Variants in RGS3 observed in about 807,000 individuals in gnomAD.
The protein encoded by RGS3 is regulator of G-protein signalling 3.
Under a neutral mutation model 132.6 loss-of-function variants are expected in RGS3, and 80 were observed. The ratio of observed to expected loss-of-function variants is 0.60; its 90% CI spans 0.50 to 0.73. The LOEUF is 0.73. RGS3 is among the 30% of genes least tolerant of loss of function. The pLI is 0.00. For missense variants in RGS3, 1,382 were observed against 1,530.8 expected, an observed-to-expected ratio of 0.90 and a Z score of 1.62; for synonymous variants, 598 against 620.6, an observed-to-expected ratio of 0.96 and a Z score of 0.54.
At chr9:113,593,988 C>G (rs749864506) in intron 21 of RGS3, 8 of 1,612,914 alleles carry the variant, frequency 5.0e-6, no homozygotes, top group Non-Finnish European at 6.8e-6. Flanking sequence ...CAGAGGCTGT[C>G]CCTTGCAGAC....
At position 113,507,803 on chromosome 9, in the gene RGS3, G is replaced by A. The variant is rs1033054513; in HGVS notation, c.1437+165G>A. Among the ~76,000 whole-genome samples, 4 of 152,202 alleles carry A rather than the reference G, an allele frequency of 2.6e-5. No homozygotes were observed. The highest frequency in any genetic ancestry group is 9.7e-5 in the African/African-American group (4 of 41,434). On this transcript the variant is annotated intron_variant, in intron 13 of 24. Transcript: ENST00000350696. This position sits in a 1 kb window ranked among gnomAD's most constrained non-coding sequence, Gnocchi z 5.0. Reference sequence around the variant, plus strand: ...TCTGCCTTCTGCAAGGCTGTTCTTGGTAGGGAGGACAGATGGGTCTATGTG... The same window carrying A: ...TCTGCCTTCTGCAAGGCTGTTCTTGATAGGGAGGACAGATGGGTCTATGTG...
intron 1 of RGS3, among the ~76,000 whole-genome samples, chr9:113,452,471 C>G (rs1829266090): frequency 6.6e-6 from 1 of 150,388 alleles, no homozygotes; most frequent in Non-Finnish European, 1.5e-5. Flanking sequence ...TAGTTTTAAG[C>G]AATTTGATCA....
chr9:113,507,535 T>C lies in RGS3; in HGVS notation c.1334T>C (p.Val445Ala), dbSNP rs200889018. 1.3e-4 allele frequency: 210 copies of C among 1,602,008 alleles called. 2 individuals are homozygous for C. The East Asian group carries it at 4.5e-3, about 34-fold the overall frequency. Residue 445 changes from valine to alanine, a missense_variant, in exon 13 of 25, where the codon GTG becomes GCG. By Grantham distance (64) the Val-to-Ala change is moderately conservative. Coordinates refer to ENST00000350696, the Ensembl canonical transcript of RGS3. This position sits in a 1 kb window ranked among gnomAD's most constrained non-coding sequence, Gnocchi z 5.0. Reference sequence around the variant, plus strand: ...GGCGGCTGGGAGCGCTACACCGAGGTGGCCAAGCGCGGGGGCCAGCACACC... The same window carrying C: ...GGCGGCTGGGAGCGCTACACCGAGGCGGCCAAGCGCGGGGGCCAGCACACC...
At chr9:113,482,281 G>T (rs562494431) in intron 4 of RGS3, among the ~76,000 whole-genome samples, 2 of 152,014 alleles carry the variant, frequency 1.3e-5, no homozygotes, top group South Asian at 4.2e-4. Flanking sequence ...TTACTTATTT[G>T]CCAGGCACTC....
intron 19 of RGS3, among the ~76,000 whole-genome samples, chr9:113,547,263 A>G (rs1833153896): frequency 6.6e-6 from 1 of 152,218 alleles, no homozygotes; most frequent in African/African-American, 2.4e-5. Context: ...ATTGAAACAG[A>G]GTGTATGTGT....
intron 19 of RGS3, 170 bp from the exon 18 acceptor site, chr9:113,583,280 G>A: frequency 8.2e-7 from 1 of 1,217,440 alleles, no homozygotes; most frequent in East Asian, 2.6e-5. Flanking sequence ...GGTGAGAATT[G>A]TTACCCAGCT....
chr9:113,585,241 G>A (rs933645927), intron 20 of RGS3, among the ~76,000 whole-genome samples: 1 of 152,170 alleles, frequency 6.6e-6, no homozygotes, highest in Non-Finnish European at 1.5e-5. Context: ...AGCTAGTTTG[G>A]GTCTGGGCTC....
rs754666918 is a variant in RGS3, at chr9:113,507,436, A to T, written c.1235A>T (p.His412Leu). Residue 412 changes from histidine to leucine, a missense_variant, in exon 13 of 25, where the codon CAT becomes CTT. Physicochemically the swap from His to Leu is moderately conservative, Grantham distance 99 (BLOSUM62 -3). Coordinates refer to ENST00000350696, the Ensembl canonical transcript of RGS3. The surrounding 1 kb of genome is among the most constrained non-coding windows in gnomAD (Gnocchi z 5.0). Reference sequence around the variant, plus strand: ...AACAAACGGGAGAAGAACTGCACCCATGGGGTCCAGGCACGGCCTGAGCAG... The same window carrying T: ...AACAAACGGGAGAAGAACTGCACCCTTGGGGTCCAGGCACGGCCTGAGCAG... The T allele has an allele frequency of 1.2e-5, 19 of 1,613,832 alleles. No individual in the cohort carries two copies. Among genetic ancestry groups the T allele is most frequent in the Non-Finnish European group, 1.5e-5 (18 of 1,180,034 alleles).
intron 3 of RGS3, among the ~76,000 whole-genome samples, chr9:113,465,376 C>T (rs1829597351): frequency 6.6e-6 from 1 of 151,892 alleles, no homozygotes; most frequent in African/African-American, 2.4e-5. Flanking sequence ...AATCTGACTT[C>T]CCAGGGAGAC....
chr9:113,459,682 A>G (rs1829429407), upstream of RGS3, among the ~76,000 whole-genome samples: 1 of 151,888 alleles, frequency 6.6e-6, no homozygotes, highest in Non-Finnish European at 1.5e-5. Context: ...CCTGGGAGTG[A>G]GCTGAGATTG....
chr9:113,556,865 C>T (rs1833589025), intron 19 of RGS3, among the ~76,000 whole-genome samples: 1 of 152,206 alleles, frequency 6.6e-6, no homozygotes, highest in African/African-American at 2.4e-5. Context: ...TTCCCTTGGT[C>T]TCAGCCACCT....
At chr9:113,483,791 G>A (rs1189665683) in intron 5 of RGS3, among the ~76,000 whole-genome samples, 1 of 152,232 alleles carries the variant, frequency 6.6e-6, no homozygotes, top group Non-Finnish European at 1.5e-5. Context: ...GGAGCACTCA[G>A]CAGCTGCTGG....
intron 9 of RGS3, 45 bp downstream of exon 7, chr9:113,497,449 C>G: frequency 6.7e-7 from 1 of 1,503,344 alleles, no homozygotes. Flanking sequence ...GACCTGCCCC[C>G]TCCCTCCTTT....
chr9:113,501,250 A>C (rs1469995376), intron 10 of RGS3: 1 of 404,858 alleles, frequency 2.5e-6, no homozygotes, highest in East Asian at 4.1e-5. Context: ...TTGGAATCAC[A>C]AAGTGGCCCA....
At chr9:113,562,603 G>T (rs1223271321) in intron 19 of RGS3, among the ~76,000 whole-genome samples, 1 of 152,100 alleles carries the variant, frequency 6.6e-6, no homozygotes, top group Non-Finnish European at 1.5e-5. Context: ...TGTTTGTTAT[G>T]TATGAAATAT....
intron 7 of RGS3, 70 bp downstream of exon 5, chr9:113,485,763 T>A: frequency 1.7e-6 from 2 of 1,154,490 alleles, no homozygotes; most frequent in South Asian, 2.6e-5. Context: ...GTGGCCAGCA[T>A]ACACCAGGGG....
At chr9:113,563,697 T>C (rs1015822073) in intron 19 of RGS3, among the ~76,000 whole-genome samples, 1 of 152,188 alleles carries the variant, frequency 6.6e-6, no homozygotes, top group Non-Finnish European at 1.5e-5. Context: ...GAAACACTGG[T>C]TGGAGTTTGT....
upstream of RGS3, among the ~76,000 whole-genome samples, chr9:113,455,531 T>G (rs1829346387): frequency 6.6e-6 from 1 of 152,338 alleles, no homozygotes; most frequent in African/African-American, 2.4e-5. Context: ...ACTTACTAGT[T>G]CACATTCCTT....
At position 113,447,335 on chromosome 9, in the gene RGS3, A is replaced by G. The variant is rs796271958; in HGVS notation, c.-13+2408A>G. On this transcript the variant is annotated intron_variant, in intron 1 of 25. Transcript: ENST00000374140. ...AATTCTGATGTATGTATATGTATAT[A>G]TATATATATATATATATATATATAT... Among the ~76,000 whole-genome samples, 146 of 73,894 alleles carry G rather than the reference A, an allele frequency of 2.0e-3. 11 individuals are homozygous for G. Among genetic ancestry groups the G allele is most frequent in the African/African-American group, 4.8e-3 (101 of 20,874 alleles). 48.5% of individuals were successfully genotyped at this position (73,894 alleles called of 152,430 possible). A position where few individuals can be genotyped will look rare whatever the true frequency, so the allele number is the denominator to read the frequency against.
Sources: allele counts gnomAD v4.1 joint callset (sites outside exome capture counted in the v4.1 genomes callset), GRCh38; gene constraint gnomAD v4.1.1; non-coding constraint Gnocchi (gnomAD v3.1); transcripts MANE v1.5; gene names NCBI Gene and HGNC (gene_info 2026-07-23, HGNC 2026-07-21).